Variants in HMG20B observed in about 807,000 individuals in gnomAD.
HMG20B encodes the protein high mobility group 20B.
HMG20B carries 24 observed loss-of-function variants against 41.6 expected under a neutral mutation model. That is an observed-to-expected ratio of 0.58 (90% CI 0.42 to 0.81). The LOEUF (loss-of-function observed/expected upper bound fraction) is 0.81, where lower values mean the gene tolerates loss of function less well. Ranked by LOEUF, HMG20B falls within the 30% of genes least tolerant of loss-of-function variation. The pLI is 0.00. For synonymous variants in HMG20B, 251 were observed against 186.6 expected (o/e 1.34, Z -2.81); for missense variants, 461 against 444.0 (o/e 1.04, Z -0.34).
chr19:3,576,434 C>A, intron 6 of HMG20B, 119 bp from the exon 7 acceptor site: 1 of 1,327,270 alleles, frequency 7.5e-7, no homozygotes, highest in Non-Finnish European at 1.1e-6. Flanking sequence ...ACCGTGGGAT[C>A]GCTGTTGATT....
chr19:3,573,841 C>T (rs763052447), intron 3 of HMG20B, 41 bp downstream of exon 3: 121 of 1,527,052 alleles, frequency 7.9e-5, no homozygotes, highest in Non-Finnish European at 1.1e-4. Context: ...CCCCGGGCTC[C>T]CGCCCCAGCC....
At position 3,573,689 on chromosome 19, in the gene HMG20B, C is replaced by T. The variant is rs202226107; in HGVS notation, c.39-3C>T. On this transcript the variant is annotated splice_polypyrimidine_tract_variant and splice_region_variant and intron_variant, in intron 2 of 9. Coordinates refer to ENST00000333651, the MANE Select transcript of HMG20B (RefSeq NM_006339.3). Reference sequence around the variant, plus strand: ...GGGCTGACCGCGGTATCCTTGGCTCCAGGCCGGCGGGCGGCAAGGCTCCGG... The same window carrying T: ...GGGCTGACCGCGGTATCCTTGGCTCTAGGCCGGCGGGCGGCAAGGCTCCGG... 83 of 1,501,310 alleles carry T rather than the reference C, an allele frequency of 5.5e-5. No homozygotes were observed. The Admixed American group carries it at 8.8e-4, about 16-fold the overall frequency. 93.0% of individuals were successfully genotyped at this position (1,501,310 alleles called of 1,614,324 possible).
chr19:3,573,920 G>A (rs1289502014), intron 3 of HMG20B, 120 bp downstream of exon 3: 1 of 971,606 alleles, frequency 1.0e-6, no homozygotes, highest in East Asian at 2.6e-5. Context: ...TCCTCTGGAA[G>A]CTGAGACCCC....
At chr19:3,578,345 C>G (rs1054041411) in intron 9 of HMG20B, 164 bp from the exon 10 acceptor site, 2 of 1,194,868 alleles carry the variant, frequency 1.7e-6, no homozygotes, top group East Asian at 2.6e-5. Context: ...TAAAGCTTCT[C>G]AGGGTGGATC....
At chr19:3,577,197 G>A (rs113689295) in intron 8 of HMG20B, 90 bp downstream of exon 8, 1 of 867,284 alleles carries the variant, frequency 1.2e-6, no homozygotes, top group South Asian at 1.9e-5. Context: ...TTCCCCTGTC[G>A]CCCGGCGCCG....
chr19:3,574,659 G>C, intron 4 of HMG20B, 73 bp downstream of exon 4: 1 of 1,341,658 alleles, frequency 7.5e-7, no homozygotes, highest in Non-Finnish European at 1.0e-6. Flanking sequence ...GACCCCCAAA[G>C]GATTCCACGT....
chr19:3,577,075 T>A lies in HMG20B; in HGVS notation c.776T>A (p.Leu259His). ...QQQLQAVRQALTASFASLPVP... is the reference protein window; with the variant it reads ...QQQLQAVRQAHTASFASLPVP... Reference sequence around the variant, plus strand: ...CAGCTCCAGGCCGTGCGCCAGGCGCTCACCGCCAGCTTCGCCTCACTGCCG... The same window carrying A: ...CAGCTCCAGGCCGTGCGCCAGGCGCACACCGCCAGCTTCGCCTCACTGCCG... Residue 259 changes from leucine to histidine, a missense_variant, in exon 8 of 10, where the codon CTC becomes CAC. Leu to His is a moderately conservative substitution (Grantham distance 99). Around this residue, in one of 3 missense-constraint regions of HMG20B, gnomAD observed 308 missense variants for 283.4 expected, o/e 1.09. Coordinates refer to ENST00000333651, the MANE Select transcript of HMG20B (RefSeq NM_006339.3). 6.5e-7 allele frequency: 1 copy of A among 1,540,974 alleles called. No homozygotes were observed. Among genetic ancestry groups the A allele is most frequent in the Non-Finnish European group, 8.7e-7 (1 of 1,145,052 alleles).
rs201615672 is a variant in HMG20B at position 3,576,313 on chromosome 19, C to T, written c.519+6C>T. ...CTCTCCTGAATGGACACAAGGTAAGCGACCTTCTTCCTCTCAAAGCACCTG... is the reference window on the plus strand; with the variant it reads ...CTCTCCTGAATGGACACAAGGTAAGTGACCTTCTTCCTCTCAAAGCACCTG... On this transcript the variant is annotated splice_donor_region_variant and intron_variant, in intron 6 of 9. Coordinates refer to ENST00000333651, the MANE Select transcript of HMG20B (RefSeq NM_006339.3). 20 of 1,595,968 alleles carry T rather than the reference C, an allele frequency of 1.3e-5. No individual in the cohort carries two copies. The highest frequency in any genetic ancestry group is 1.6e-5 in the Non-Finnish European group (19 of 1,170,466).
rs372404121 is a variant in HMG20B at position 3,575,603 on chromosome 19, C to G, written c.415C>G (p.Gln139Glu). Residue 139 changes from glutamine (Q) to glutamate (E), a missense_variant, in exon 5 of 10, where the codon CAG becomes GAG. This residue lies in a region of HMG20B where 308 missense variants were observed against 283.4 expected (regional missense o/e 1.09). Transcript: ENST00000333651. Reference sequence around the variant, plus strand: ...CATGAAGGAGCTGCGGGCGTACCAGCAGTCTGAAGCCTATAAGATGTGCAC... The same window carrying G: ...CATGAAGGAGCTGCGGGCGTACCAGGAGTCTGAAGCCTATAAGATGTGCAC... The part of the protein sequence containing the change: ...QYMKELRAYQ[Q>E]SEAYKMCTEK... The G allele has an allele frequency of 2.6e-6, 4 of 1,553,448 alleles. No homozygotes were observed. In the Admixed American group the frequency reaches 7.8e-5, roughly 30 times the overall value.
chr19:3,575,904 A>G (rs1293544542), intron 5 of HMG20B: 3 of 459,692 alleles, frequency 6.5e-6, no homozygotes, highest in African/African-American at 4.1e-5. Flanking sequence ...AGATTGCGCC[A>G]TTGCACTCTA....
chr19:3,576,632 G>C lies in HMG20B; in HGVS notation c.592+7G>C, dbSNP rs1316350728. The stretch of plus-strand genomic sequence containing the variant: ...TTCTTGGACCAAAACAAAGGTGAGC[G>C]GTAACTGCGCTCCTGATGCGAACTC... On this transcript the variant is annotated splice_region_variant and intron_variant, in intron 7 of 9. Coordinates refer to ENST00000333651, the MANE Select transcript of HMG20B (RefSeq NM_006339.3). The C allele has an allele frequency of 1.2e-6, 2 of 1,610,158 alleles. No homozygotes were observed. The highest frequency in any genetic ancestry group is 2.7e-5 in the African/African-American group (2 of 74,864).
At chr19:3,573,148 C>T (rs898528058) in intron 1 of HMG20B, 144 bp from the exon 2 acceptor site, 6 of 607,442 alleles carry the variant, frequency 9.9e-6, no homozygotes, top group African/African-American at 2.0e-5. Flanking sequence ...CGCCCGCCCT[C>T]GAGGACTTCC....
chr19:3,573,826 G>A, intron 3 of HMG20B, 26 bp downstream of exon 3: 1 of 1,567,174 alleles, frequency 6.4e-7, no homozygotes, highest in Middle Eastern at 1.7e-4. Context: ...CTGAGCTGGG[G>A]GAGGCCCCGG....
intron 9 of HMG20B, 146 bp downstream of exon 9, chr19:3,578,259 C>T (rs1358616097): frequency 8.0e-7 from 1 of 1,242,416 alleles, no homozygotes; most frequent in Non-Finnish European, 1.1e-6. Context: ...TGCGGTCGCC[C>T]CTGATGCACC....
At position 3,577,091 on chromosome 19, in the gene HMG20B, C is replaced by T. The variant is rs576135005; in HGVS notation, c.792C>T (p.Ala264=). 25 of 1,536,618 alleles carry T rather than the reference C, an allele frequency of 1.6e-5. No homozygotes were observed. The highest frequency in any genetic ancestry group is 4.9e-5 in the East Asian group (2 of 40,756). Residue 264 remains alanine (A), a synonymous_variant, in exon 8 of 10, where the codon GCC becomes GCT. Transcript: ENST00000333651. The part of the protein sequence containing the change: ...AVRQALTASF[A]SLPVPGTGET... ...GCCAGGCGCTCACCGCCAGCTTCGC[C>T]TCACTGCCGGTGCCGGGTGCGGGCC...
Position 3,575,677 on chromosome 19 carries a change from G to A in HMG20B, c.472+17G>A, listed in dbSNP as rs2032142688. On this transcript the variant is annotated intron_variant, in intron 5 of 9. Transcript: ENST00000333651. The stretch of plus-strand genomic sequence containing the variant: ...TCAAGAAAGGTGGGAGGGGTCGGGC[G>A]CGGTGGCTCACGCCTGTCATCCCAG... The A allele has an allele frequency of 1.3e-6, 2 of 1,545,276 alleles. No individual in the cohort carries two copies. The highest frequency in any genetic ancestry group is 1.2e-5 in the South Asian group (1 of 83,838).
chr19:3,573,408 T>C, intron 2 of HMG20B, 61 bp downstream of exon 2: 6 of 1,450,430 alleles, frequency 4.1e-6, no homozygotes, highest in Non-Finnish European at 5.5e-6. Flanking sequence ...CCCTAGCTCC[T>C]GAACCCCTGA....
intron 4 of HMG20B, among the ~76,000 whole-genome samples, chr19:3,575,285 C>T (rs2032132991): frequency 6.6e-6 from 1 of 152,118 alleles, no homozygotes; most frequent in African/African-American, 2.4e-5. Flanking sequence ...AGGTTGGGTT[C>T]CTGCCCATGA....
At position 3,576,972 on chromosome 19, in the gene HMG20B, C is replaced by T. The variant is rs2032175363; in HGVS notation, c.673C>T (p.Gln225Ter). 1.3e-6 allele frequency: 2 copies of T among 1,578,060 alleles called. No individual in the cohort carries two copies. Among genetic ancestry groups the T allele is most frequent in the Admixed American group, 1.8e-5 (1 of 54,412 alleles). The stretch of plus-strand genomic sequence containing the variant: ...GAACGCGGTACTGCAGAGGCACACG[C>T]AGAGCATGAGCAGCGCGCGCGAGCG... ...EQNAVLQRHT[Q>*]SMSSARERLE... The change falls in exon 8 of 10, where the codon CAG becomes TAG. Residue 225 changes from glutamine to a stop codon, truncating the protein, a stop_gained. Coordinates refer to ENST00000333651, the MANE Select transcript of HMG20B (RefSeq NM_006339.3). LOFTEE classifies it high-confidence loss of function.
Sources: allele counts gnomAD v4.1 joint callset (sites outside exome capture counted in the v4.1 genomes callset), GRCh38; gene constraint gnomAD v4.1.1; regional missense constraint gnomAD v4.1.1; transcripts MANE v1.5; gene names NCBI Gene and HGNC (gene_info 2026-07-23, HGNC 2026-07-21).